Variants in TRAK1 observed in about 807,000 individuals in gnomAD.
The protein encoded by TRAK1 is trafficking kinesin protein 1.
In TRAK1, 33 loss-of-function variants were observed where a neutral mutation model predicts 92.1. The observed-to-expected ratio is 0.36, with a 90% CI of 0.27 to 0.48. The LOEUF (loss-of-function observed/expected upper bound fraction) is 0.48, where lower values mean the gene tolerates loss of function less well. Among genes scored for constraint, TRAK1 ranks in the 20% least tolerant of loss-of-function variants. The pLI, the probability that TRAK1 is intolerant of heterozygous loss-of-function variation, is 0.99. For synonymous variants in TRAK1, 521 were observed against 517.3 expected (o/e 1.01, Z -0.10); for missense variants, 1,123 against 1,257.9 (o/e 0.89, Z 1.62).
chr3:42,157,744 C>T (rs1033956743), intron 2 of TRAK1, among the ~76,000 whole-genome samples: 12 of 152,006 alleles, frequency 7.9e-5, no homozygotes, highest in Non-Finnish European at 1.8e-4. Flanking sequence ...GAGACCTGGC[C>T]GTTGAATAAA....
intron 10 of TRAK1, among the ~76,000 whole-genome samples, chr3:42,195,639 G>A (rs1334395355): frequency 2.0e-5 from 3 of 150,946 alleles, no homozygotes; most frequent in Middle Eastern, 6.9e-3. Context: ...TCCCTAAATC[G>A]TGATTTCTTT....
At chr3:42,014,953 C>A (rs1701460111) in intron 1 of TRAK1, among the ~76,000 whole-genome samples, 1 of 152,120 alleles carries the variant, frequency 6.6e-6, no homozygotes, top group African/African-American at 2.4e-5. Context: ...TGGAGGTTAC[C>A]ATAGGGAAAC....
At chr3:42,047,326 G>C (rs1702793319) in intron 1 of TRAK1, among the ~76,000 whole-genome samples, 2 of 149,722 alleles carry the variant, frequency 1.3e-5, no homozygotes, top group African/African-American at 2.5e-5. Flanking sequence ...CTTCCAAGAA[G>C]CTGGGACTAC....
In TRAK1 at chr3:42,095,550, G is replaced by T. The variant is rs558510291; in HGVS notation, c.91+3990G>T. On this transcript the variant is annotated intron_variant, in intron 1 of 15. Coordinates refer to ENST00000327628, the MANE Select transcript of TRAK1 (RefSeq NM_001042646.3). ...TTAATGGGTAAAAAAATCATTCCAA[G>T]AAGTTTTTATGCACATATTCATTTT... Among the ~76,000 whole-genome samples the T allele has an allele frequency of 5.6e-4, 86 of 152,220 alleles. 1 individual carries two copies. The South Asian group carries it at 0.016, about 29-fold the overall frequency.
chr3:42,182,219 T>G (rs1363546227), intron 3 of TRAK1, among the ~76,000 whole-genome samples: 4 of 152,118 alleles, frequency 2.6e-5, no homozygotes, highest in Non-Finnish European at 5.9e-5. Context: ...CGTCTCCACA[T>G]GTACTGTGTT....
intron 1 of TRAK1, among the ~76,000 whole-genome samples, chr3:42,122,669 GAGGAAATGT>G (rs1441745981): frequency 6.6e-6 from 1 of 152,228 alleles, no homozygotes; most frequent in Non-Finnish European, 1.5e-5. Context: ...ATAGTGAGAA[GAGGAAATGT>G]TGCTTATTGT....
intron 2 of TRAK1, among the ~76,000 whole-genome samples, chr3:42,168,503 G>T (rs1297942786): frequency 6.6e-6 from 1 of 152,136 alleles, no homozygotes; most frequent in African/African-American, 2.4e-5. Flanking sequence ...TTAGAACTTT[G>T]CATTCCCCCA....
intron 11 of TRAK1, 123 bp downstream of exon 11, chr3:42,199,376 TC>T: frequency 1.1e-6 from 1 of 895,462 alleles, no homozygotes; most frequent in Non-Finnish European, 1.8e-6. Flanking sequence ...TCCTTCCCAG[TC>T]CAGATTAAGG....
At chr3:42,084,232 C>T (rs1420011111), upstream of TRAK1, among the ~76,000 whole-genome samples, 3 of 152,032 alleles carry the variant, frequency 2.0e-5, no homozygotes, top group Admixed American at 6.6e-5. Flanking sequence ...GGGATGACTT[C>T]TCAAGCTAAT....
At chr3:42,129,930 C>G (rs1233628589) in intron 2 of TRAK1, among the ~76,000 whole-genome samples, 1 of 152,044 alleles carries the variant, frequency 6.6e-6, no homozygotes, top group Non-Finnish European at 1.5e-5. Context: ...AGCAAAAACC[C>G]CATCAAAACC....
At position 42,128,696 on chromosome 3, in the gene TRAK1, A is replaced by G. The variant is rs1373434507; in HGVS notation, c.286+3082A>G. On this transcript the variant is annotated intron_variant, in intron 2 of 15. Coordinates refer to ENST00000327628, the MANE Select transcript of TRAK1 (RefSeq NM_001042646.3). ...CAGTGGTATTAGCAGGACCTGTGAT[A>G]TTGTCACCAGTAGAAATCACAGATA... Among the ~76,000 whole-genome samples, 13 of 152,380 alleles carry G rather than the reference A, an allele frequency of 8.5e-5. No individual in the cohort carries two copies. In the East Asian group the frequency reaches 2.5e-3, roughly 29 times the overall value.
intron 1 of TRAK1, among the ~76,000 whole-genome samples, chr3:42,099,317 G>A (rs1475277307): frequency 6.6e-6 from 1 of 152,124 alleles, no homozygotes; most frequent in Non-Finnish European, 1.5e-5. Context: ...TGAGTCTCAA[G>A]CGAGCAAGGA....
chr3:42,191,466 C>A, intron 6 of TRAK1, 92 bp from the exon 7 acceptor site: 3 of 1,147,626 alleles, frequency 2.6e-6, no homozygotes, highest in Non-Finnish European at 3.7e-6. Flanking sequence ...GCTTCCCAGA[C>A]CCCAGTTAGC....
intron 2 of TRAK1, among the ~76,000 whole-genome samples, chr3:42,174,903 C>G (rs1012468260): frequency 1.3e-5 from 2 of 151,718 alleles, no homozygotes; most frequent in Non-Finnish European, 2.9e-5. Flanking sequence ...TTGTGGTTAT[C>G]TACACATGAC....
chr3:42,191,150 T>C (rs959554525), intron 6 of TRAK1, among the ~76,000 whole-genome samples: 12 of 152,188 alleles, frequency 7.9e-5, no homozygotes, highest in Non-Finnish European at 1.3e-4. Flanking sequence ...CATTCCTGTG[T>C]GGTTATCCTT....
At chr3:42,211,824 T>A in intron 14 of TRAK1, 4 of 985,460 alleles carry the variant, frequency 4.1e-6, no homozygotes, top group Non-Finnish European at 4.8e-6. Context: ...CTCAAACCTG[T>A]GGCAAATTCA....
chr3:42,086,209 GC>G (rs1198769420), upstream of TRAK1, among the ~76,000 whole-genome samples: 31 of 152,290 alleles, frequency 2.0e-4, no homozygotes, highest in African/African-American at 7.2e-4. Flanking sequence ...GTGTTCAGCA[GC>G]CTATGTCACA....
intron 13 of TRAK1, among the ~76,000 whole-genome samples, chr3:42,208,199 T>C (rs1051590751): frequency 6.6e-6 from 1 of 152,190 alleles, no homozygotes; most frequent in African/African-American, 2.4e-5. Flanking sequence ...TCTATTTATA[T>C]TTAATAGATC....
chr3:42,061,500 C>T (rs1296446967), intron 1 of TRAK1, among the ~76,000 whole-genome samples: 1 of 151,958 alleles, frequency 6.6e-6, no homozygotes, highest in Non-Finnish European at 1.5e-5. Flanking sequence ...GCTGAAGTTC[C>T]AAAGCAGGAG....
Sources: allele counts gnomAD v4.1 joint callset (sites outside exome capture counted in the v4.1 genomes callset), GRCh38; gene constraint gnomAD v4.1.1; transcripts MANE v1.5; gene names NCBI Gene and HGNC (gene_info 2026-07-23, HGNC 2026-07-21).